SH3BP5: variants seen among roughly 807,000 people sequenced by gnomAD.
SH3BP5 encodes the protein SH3 domain-binding protein 5.
SH3BP5 carries 22 observed loss-of-function variants against 43.3 expected under a neutral mutation model. The ratio of observed to expected loss-of-function variants is 0.51; its 90% CI spans 0.36 to 0.73. The LOEUF (loss-of-function observed/expected upper bound fraction) is 0.73, where lower values mean the gene tolerates loss of function less well. SH3BP5 is among the 30% of genes least tolerant of loss of function. The pLI, the probability that SH3BP5 is intolerant of heterozygous loss-of-function variation, is 0.00. For synonymous variants in SH3BP5, 255 were observed against 225.8 expected, an observed-to-expected ratio of 1.13 and a Z score of -1.16; for missense variants, 529 against 586.9, an observed-to-expected ratio of 0.90 and a Z score of 1.02.
intron 6 of SH3BP5, 199 bp downstream of exon 6, chr3:15,259,562 G>T: frequency 1.5e-6 from 1 of 672,616 alleles, no homozygotes; most frequent in Non-Finnish European, 2.7e-6. Flanking sequence ...CAGAGAAGGT[G>T]ACTGAATGGC....
intron 5 of SH3BP5, among the ~76,000 whole-genome samples, chr3:15,261,416 A>G (rs1053041073): frequency 6.6e-6 from 1 of 152,182 alleles, no homozygotes; most frequent in Non-Finnish European, 1.5e-5. Context: ...CCTCACTTGC[A>G]TGAGGACTGG....
chr3:15,328,419 T>TAAA (rs56022759), intron 2 of SH3BP5, among the ~76,000 whole-genome samples: 1 of 140,262 alleles, frequency 7.1e-6, no homozygotes, highest in South Asian at 2.3e-4. Flanking sequence ...TCAATGCTTT[T>TAAA]AAAAAAAAAA....
intron 4 of SH3BP5, 152 bp downstream of exon 4, chr3:15,269,561 G>A (rs965536690): frequency 2.5e-5 from 19 of 758,832 alleles, no homozygotes; most frequent in South Asian, 1.6e-4. Flanking sequence ...CGTACCAAGC[G>A]CAGCCAAGAG....
chr3:15,280,643 C>T (rs1697099754), intron 3 of SH3BP5, among the ~76,000 whole-genome samples: 1 of 152,202 alleles, frequency 6.6e-6, no homozygotes. Flanking sequence ...CACTCTCGCA[C>T]TCTCTCTGTC....
rs957691928 is a variant in SH3BP5, at chr3:15,262,098, G to A, written c.626+61C>T. 14 of 1,594,996 alleles carry A rather than the reference G, an allele frequency of 8.8e-6. No individual in the cohort carries two copies. The African/African-American group carries it at 1.2e-4, about 14-fold the overall frequency. ...TCCTTGAGTGTGTGACATACAAAAG[G>A]CTGAGAAGATGCAGACTAGGACAGC... is the stretch of plus-strand genomic sequence containing the variant. On this transcript the variant is annotated intron_variant, in intron 5 of 8. Transcript: ENST00000383791.
In SH3BP5 at chr3:15,295,979, G is replaced by T. The variant is rs184462209; in HGVS notation, c.330+8124C>A. On this transcript the variant is annotated intron_variant, in intron 3 of 8. Coordinates refer to ENST00000383791, the MANE Select transcript of SH3BP5 (RefSeq NM_004844.5). ...ATTGTAAGAAACACACTAAATAAGG[G>T]GTCTTTAAACAGAAACACACATATA... is the stretch of plus-strand genomic sequence containing the variant. Among the ~76,000 whole-genome samples the T allele has an allele frequency of 9.0e-3, 1,088 of 120,484 alleles. 7 individuals are homozygous for T. The highest frequency in any genetic ancestry group is 0.012 in the Non-Finnish European group (576 of 49,110). 79.0% of individuals were successfully genotyped at this position (120,484 alleles called of 152,430 possible).
intron 3 of SH3BP5, among the ~76,000 whole-genome samples, chr3:15,272,408 G>A (rs1425160659): frequency 6.6e-6 from 1 of 152,176 alleles, no homozygotes; most frequent in Non-Finnish European, 1.5e-5. Flanking sequence ...ATTATTTCCA[G>A]TACAAAGAAC....
At chr3:15,310,988 C>T (rs1210995250) in intron 2 of SH3BP5, among the ~76,000 whole-genome samples, 1 of 152,138 alleles carries the variant, frequency 6.6e-6, no homozygotes, top group Non-Finnish European at 1.5e-5. Context: ...TGGCCAATCG[C>T]TCACCTGCTC....
chr3:15,304,170 A>C lies in SH3BP5; in HGVS notation c.263T>G (p.Val88Gly). 1 of 1,614,148 alleles carries C rather than the reference A, an allele frequency of 6.2e-7. No homozygotes were observed. Among genetic ancestry groups the C allele is most frequent in the Non-Finnish European group, 8.5e-7 (1 of 1,180,022 alleles). ...VEATVKLDEL[V>G]KKIGKAVEDS... ...TTCCACAGCTTTGCCAATTTTCTTC[A>C]CCAGTTCATCCAGTTTCACCGTTGC... The change falls in exon 3 of 9, where the codon GTG (valine) becomes GGG (glycine). Residue 88 changes from valine to glycine, a missense_variant. Physicochemically the swap from Val to Gly is moderately radical, Grantham distance 109. This residue lies in a region of SH3BP5 where 85 missense variants were observed against 140.8 expected (regional missense o/e 0.60). Coordinates refer to ENST00000383791, the MANE Select transcript of SH3BP5 (RefSeq NM_004844.5).
intron 2 of SH3BP5, among the ~76,000 whole-genome samples, chr3:15,320,734 T>A (rs1166996993): frequency 6.6e-6 from 1 of 151,952 alleles, no homozygotes; most frequent in African/African-American, 2.4e-5. Context: ...CACATCTCTG[T>A]CAACCTGGGG....
rs1169782365 is a variant in SH3BP5 at position 15,255,471 on chromosome 3, T to C, written c.*615A>G. 1.3e-5 allele frequency: 2 copies of C among 152,592 alleles called. No homozygotes were observed. Among genetic ancestry groups the C allele is most frequent in the Non-Finnish European group, 2.9e-5 (2 of 68,104 alleles). 9.5% of individuals were successfully genotyped at this position (152,592 alleles called of 1,614,324 possible). On this transcript the variant is annotated 3_prime_UTR_variant, in exon 9 of 9. Transcript: ENST00000383791. ...TTCCCACCCCAAAAAGTGCAGCTCATGGTAGCCTTCTAGAAAATGGTTTTA... is the reference window on the plus strand; with the variant it reads ...TTCCCACCCCAAAAAGTGCAGCTCACGGTAGCCTTCTAGAAAATGGTTTTA...
intron 7 of SH3BP5, chr3:15,257,637 A>C (rs1696265591): frequency 6.5e-6 from 1 of 152,878 alleles, no homozygotes; most frequent in Non-Finnish European, 1.5e-5. Context: ...GAACACACTC[A>C]AAGGCTACCC....
rs1483821621 is a variant in SH3BP5 at position 15,267,367 on chromosome 3, GA to G, written c.495+2345del. Among the ~76,000 whole-genome samples the G allele has an allele frequency of 5.3e-5, 8 of 152,358 alleles. No individual in the cohort carries two copies. The South Asian group carries it at 1.7e-3, about 32-fold the overall frequency. On this transcript the variant is annotated intron_variant, in intron 4 of 8. Transcript: ENST00000383791. ...TGAGTGGCACAGGGACGTGATGGGG[GA>G]AAGCTTTGCCACAGGCTTTTGTCTC...
intron 2 of SH3BP5, among the ~76,000 whole-genome samples, chr3:15,324,312 A>G (rs188465275): frequency 2.0e-5 from 3 of 152,286 alleles, no homozygotes; most frequent in African/African-American, 7.2e-5. Flanking sequence ...TGACTCTCCT[A>G]GAATCCCCCT....
rs116735108 is a variant in SH3BP5, at chr3:15,277,901, T to C, written c.331-8024A>G. Among the ~76,000 whole-genome samples, 403 of 152,194 alleles carry C rather than the reference T, an allele frequency of 2.6e-3. 2 individuals are homozygous for C. The highest frequency in any genetic ancestry group is 4.1e-3 in the Non-Finnish European group (278 of 67,992). On this transcript the variant is annotated intron_variant, in intron 3 of 8. Transcript: ENST00000383791. ...CTGGACATGGATTGGGAGGAAGGAA[T>C]GCCCCACTTTCTTCTAGAGAAAGTT... is the stretch of plus-strand genomic sequence containing the variant.
chr3:15,262,221 A>G lies in SH3BP5; in HGVS notation c.564T>C (p.Asn188=), dbSNP rs752140683. Residue 188 remains asparagine (N), a synonymous_variant, in exon 5 of 9, where the codon AAT becomes AAC. Coordinates refer to ENST00000383791, the MANE Select transcript of SH3BP5 (RefSeq NM_004844.5). ...LVHKETAARY[N]AAMGRMRQLE... Reference sequence around the variant, plus strand: ...GCTGTCGCATGCGGCCCATGGCGGCATTGTACCTGGCTGCCGTCTCCTTAT... The same window carrying G: ...GCTGTCGCATGCGGCCCATGGCGGCGTTGTACCTGGCTGCCGTCTCCTTAT... 1 of 1,614,098 alleles carries G rather than the reference A, an allele frequency of 6.2e-7. No individual in the cohort carries two copies. Among genetic ancestry groups the G allele is most frequent in the South Asian group, 1.1e-5 (1 of 91,074 alleles).
At chr3:15,336,139 A>AAAAG (rs1344168288), upstream of SH3BP5, among the ~76,000 whole-genome samples, 1 of 152,182 alleles carries the variant, frequency 6.6e-6, no homozygotes, top group Non-Finnish European at 1.5e-5. Context: ...CGTCTCAAAA[A>AAAAG]AAAGAAAGAA....
chr3:15,259,357 G>A lies in SH3BP5; in HGVS notation c.670-307C>T. 1.3e-5 allele frequency: 7 copies of A among 528,276 alleles called. No homozygotes were observed. In the South Asian group the frequency reaches 1.5e-4, roughly 11 times the overall value. 32.7% of individuals were successfully genotyped at this position (528,276 alleles called of 1,614,324 possible). On this transcript the variant is annotated intron_variant, in intron 6 of 8. Coordinates refer to ENST00000383791, the MANE Select transcript of SH3BP5 (RefSeq NM_004844.5). ...CAAAGTCCCACAGTCTAGACATCTG[G>A]TTCCCAGTACAGTGGTTCTCAAAGT...
chr3:15,269,982 AT>A, intron 3 of SH3BP5, 105 bp from the exon 4 acceptor site: 1 of 1,020,890 alleles, frequency 9.8e-7, no homozygotes, highest in African/African-American at 1.6e-5. Flanking sequence ...GGACAAGCTC[AT>A]CTCTGCCTCT....
Sources: gnomAD v4.1 joint callset for allele counts (sites outside exome capture counted in the v4.1 genomes callset) on GRCh38, gnomAD v4.1.1 for gene constraint, gnomAD v4.1.1 regional missense constraint, MANE v1.5 for transcripts, NCBI Gene and HGNC (gene_info 2026-07-23, HGNC 2026-07-21) for gene names.